The following ITGAE variants were observed in gnomAD, a reference collection of about 807,000 sequenced individuals.
The protein encoded by ITGAE is integrin subunit alpha E, also known as integrin alpha-E.
Under a neutral mutation model 136.5 loss-of-function variants are expected in ITGAE, and 99 were observed. The observed-to-expected ratio is 0.73, with a 90% confidence interval of 0.62 to 0.86. The LOEUF (loss-of-function observed/expected upper bound fraction) is 0.86, where lower values mean the gene tolerates loss of function less well. ITGAE is among the 40% of genes least tolerant of loss of function. ITGAE has a pLI of 0.00. For synonymous variants in ITGAE, 613 were observed against 591.8 expected (o/e 1.04, Z -0.52); for missense variants, 1,447 against 1,515.3 (o/e 0.95, Z 0.75).
chr17:3,794,395 C>T (rs1427835968), intron 1 of ITGAE, among the ~76,000 whole-genome samples: 1 of 152,150 alleles, frequency 6.6e-6, no homozygotes, highest in East Asian at 1.9e-4. Flanking sequence ...GCTGGGATTA[C>T]AGGAGTGAGC....
chr17:3,759,297 C>G, intron 8 of ITGAE, 105 bp downstream of exon 8: 7 of 1,303,360 alleles, frequency 5.4e-6, no homozygotes, highest in East Asian at 4.8e-5. Context: ...AAGGCTGGAG[C>G]CCTAATTCTC....
In ITGAE at chr17:3,732,361, G is replaced by A. The variant is rs772161615; in HGVS notation, c.2754+7C>T. ...TGAGAAGAGCGAATCAGTCCAAACCGACTCACAGATGACCTCTTGAGGACG... is the reference window on the plus strand; with the variant it reads ...TGAGAAGAGCGAATCAGTCCAAACCAACTCACAGATGACCTCTTGAGGACG... On this transcript the variant is annotated splice_region_variant and intron_variant, in intron 22 of 30. Coordinates refer to ENST00000263087, the MANE Select transcript of ITGAE (RefSeq NM_002208.5). 53 of 1,609,450 alleles carry A rather than the reference G, an allele frequency of 3.3e-5. No individual in the cohort carries two copies. Among genetic ancestry groups the A allele is most frequent in the Non-Finnish European group, 4.1e-5 (48 of 1,175,944 alleles).
chr17:3,783,016 G>T (rs182007397), intron 1 of ITGAE, among the ~76,000 whole-genome samples: 1 of 152,196 alleles, frequency 6.6e-6, no homozygotes, highest in African/African-American at 2.4e-5. Flanking sequence ...TGAGATGGCT[G>T]AAGATTCTAT....
At chr17:3,737,859 G>C (rs1476585599) in intron 20 of ITGAE, among the ~76,000 whole-genome samples, 1 of 152,134 alleles carries the variant, frequency 6.6e-6, no homozygotes, top group Non-Finnish European at 1.5e-5. Flanking sequence ...GCGTTTGCTT[G>C]CTATGTACAC....
At chr17:3,737,294 A>AAAG (rs369478989) in intron 20 of ITGAE, among the ~76,000 whole-genome samples, 5 of 148,188 alleles carry the variant, frequency 3.4e-5, no homozygotes, top group South Asian at 2.1e-4. Context: ...CCCTGTCTCA[A>AAAG]AAGAAGAAGA....
In ITGAE at chr17:3,798,448, C is replaced by A. The variant is rs1190439055; in HGVS notation, c.34+2663G>T. On this transcript the variant is annotated intron_variant, in intron 1 of 30. Coordinates refer to ENST00000263087, the MANE Select transcript of ITGAE (RefSeq NM_002208.5). This position sits in a 1 kb window ranked among gnomAD's most constrained non-coding sequence, Gnocchi z 4.3. ...CTTCCTACAAACCAGACTCTTCACA[C>A]CCCAGGGCTTGGTCCCTCCTATCCC... Among the ~76,000 whole-genome samples the A allele has an allele frequency of 6.6e-6, 1 of 152,126 alleles. No individual in the cohort carries two copies. Among genetic ancestry groups the A allele is most frequent in the Non-Finnish European group, 1.5e-5 (1 of 68,018 alleles).
At chr17:3,779,355 T>C (rs2052612971) in intron 1 of ITGAE, among the ~76,000 whole-genome samples, 1 of 151,270 alleles carries the variant, frequency 6.6e-6, no homozygotes, top group African/African-American at 2.4e-5. Context: ...TGAGATGGGG[T>C]CTTGCTCTGT....
chr17:3,781,881 C>T (rs1026536989), intron 1 of ITGAE, among the ~76,000 whole-genome samples: 1 of 152,060 alleles, frequency 6.6e-6, no homozygotes, highest in Admixed American at 6.6e-5. Context: ...CCCCACTGAC[C>T]TCATCGTCTT....
chr17:3,757,675 C>G (rs745753300), intron 9 of ITGAE, 31 bp downstream of exon 9: 1 of 1,610,788 alleles, frequency 6.2e-7, no homozygotes, highest in South Asian at 1.1e-5. Context: ...TGTGCAGGTT[C>G]AGGAGGTGTC....
chr17:3,729,092 G>A (rs1312963535), intron 24 of ITGAE, among the ~76,000 whole-genome samples: 4 of 151,630 alleles, frequency 2.6e-5, no homozygotes, highest in Non-Finnish European at 5.9e-5. Context: ...TAAAGTGGTC[G>A]TAGCGCAGTT....
At chr17:3,750,672 G>C (rs924962749) in intron 15 of ITGAE, among the ~76,000 whole-genome samples, 190 bp from the exon 16 acceptor site, 1 of 152,134 alleles carries the variant, frequency 6.6e-6, no homozygotes, top group Non-Finnish European at 1.5e-5. Flanking sequence ...TCGAAGGGCA[G>C]GTGGGACTTG....
In ITGAE at chr17:3,760,345, G is replaced by A. The variant is rs1242830848; in HGVS notation, c.599-58C>T. The A allele has an allele frequency of 1.5e-5, 14 of 931,340 alleles. No homozygotes were observed. In the Middle Eastern group the frequency reaches 1.2e-3, roughly 78 times the overall value. The allele number at this position is 931,340 out of a possible 1,614,324, so 57.7% of individuals were successfully genotyped here. A position where few individuals can be genotyped will look rare whatever the true frequency, so the allele number is the denominator to read the frequency against. On this transcript the variant is annotated intron_variant, in intron 6 of 30. Transcript: ENST00000263087. ...GGGATGTGAGGCAGATGTAAGGGTAGCATGTGTAGGGCATGCACCCCCACT... is the reference window on the plus strand; with the variant it reads ...GGGATGTGAGGCAGATGTAAGGGTAACATGTGTAGGGCATGCACCCCCACT...
rs568909854 is a variant in ITGAE, at chr17:3,760,626, G to A, written c.599-339C>T. On this transcript the variant is annotated intron_variant, in intron 6 of 30. Transcript: ENST00000263087. ...GCTAATTTTTGAATTTTCTAGTAGA[G>A]TTGGGGTTTCACCATGTTGGCCAGG... Among the ~76,000 whole-genome samples, 3 of 151,742 alleles carry A rather than the reference G, an allele frequency of 2.0e-5. No individual in the cohort carries two copies. In the South Asian group the frequency reaches 6.2e-4, roughly 32 times the overall value.
At chr17:3,733,467 G>A (rs1413237835) in intron 21 of ITGAE, among the ~76,000 whole-genome samples, 2 of 152,136 alleles carry the variant, frequency 1.3e-5, no homozygotes, top group East Asian at 3.9e-4. Context: ...TGTTGCCCAG[G>A]CTGGAGTGCA....
intron 30 of ITGAE, among the ~76,000 whole-genome samples, chr17:3,715,337 AAG>A (rs2143004810): frequency 6.6e-6 from 1 of 152,256 alleles, no homozygotes; most frequent in East Asian, 1.9e-4. Flanking sequence ...TAGTAGGAAA[AAG>A]AGATAATTAC....
At chr17:3,721,459 T>G (rs2051049636) in intron 28 of ITGAE, among the ~76,000 whole-genome samples, 1 of 149,562 alleles carries the variant, frequency 6.7e-6, no homozygotes, top group Non-Finnish European at 1.5e-5. Flanking sequence ...TATTTATTTT[T>G]AAGAAATGGG....
rs544057197 is a variant in ITGAE at position 3,759,403 on chromosome 17, A to G, written c.865T>C (p.Leu289=). Residue 289 remains leucine, a splice_region_variant and synonymous_variant, in exon 8 of 31, where the codon TTA becomes CTA. Coordinates refer to ENST00000263087, the MANE Select transcript of ITGAE (RefSeq NM_002208.5). ...TKTASAMQHV[L]DSIFTSSHGS... is the part of the protein sequence containing the mutation. ...AATTCCTGCAGCCCCCACACTCACA[A>G]GACGTGTTGCATGGCTGAGGCAGTC... is the stretch of plus-strand genomic sequence containing the variant. 11 of 1,613,104 alleles carry G rather than the reference A, an allele frequency of 6.8e-6. No homozygotes were observed. The East Asian group carries it at 2.0e-4, about 29-fold the overall frequency.
At chr17:3,732,616 C>T in intron 21 of ITGAE, 150 bp from the exon 22 acceptor site, 1 of 665,618 alleles carries the variant, frequency 1.5e-6, no homozygotes. Flanking sequence ...CCACTTGGTC[C>T]CTGTCTTCCT....
chr17:3,746,014 G>T, intron 17 of ITGAE, 87 bp from the exon 18 acceptor site: 1 of 1,261,614 alleles, frequency 7.9e-7, no homozygotes, highest in Non-Finnish European at 1.1e-6. Flanking sequence ...GGTTCCTTGT[G>T]GCCCCTCCTG....
Sources: gnomAD v4.1 joint callset for allele counts (sites outside exome capture counted in the v4.1 genomes callset) on GRCh38, gnomAD v4.1.1 for gene constraint, Gnocchi (gnomAD v3.1) non-coding constraint, MANE v1.5 for transcripts, NCBI Gene and HGNC (gene_info 2026-07-23, HGNC 2026-07-21) for gene names.